Variants in TNR observed in about 807,000 individuals in gnomAD.
TNR encodes the protein tenascin-R.
Under a neutral mutation model 150.4 loss-of-function variants are expected in TNR, and 45 were observed. The ratio of observed to expected loss-of-function variants is 0.30; its 90% confidence interval spans 0.24 to 0.38. TNR has a LOEUF of 0.38. Ranked by LOEUF, TNR falls within the 10% of genes least tolerant of loss-of-function variation. The pLI is 1.00. For missense variants in TNR, 1,544 were observed against 1,759.1 expected (o/e 0.88, Z 2.19); for synonymous variants, 687 against 678.4 (o/e 1.01, Z -0.20).
intron 18 of TNR, among the ~76,000 whole-genome samples, chr1:175,340,552 T>C (rs1160724646): frequency 6.6e-6 from 1 of 152,232 alleles, no homozygotes; most frequent in African/African-American, 2.4e-5. Flanking sequence ...AGGCAGAGGC[T>C]CACTAATGGT....
At chr1:175,602,764 G>T (rs1276571685) in intron 1 of TNR, among the ~76,000 whole-genome samples, 1 of 152,156 alleles carries the variant, frequency 6.6e-6, no homozygotes, top group African/African-American at 2.4e-5. Flanking sequence ...TTTATCCCCA[G>T]AATGATTGGG....
intron 1 of TNR, among the ~76,000 whole-genome samples, chr1:175,703,374 T>C (rs1425554798): frequency 6.6e-6 from 1 of 152,260 alleles, no homozygotes; most frequent in East Asian, 1.9e-4. Flanking sequence ...GTTTTTCCTA[T>C]ACCTAGCACA....
At chr1:175,618,136 A>G (rs1182316198) in intron 1 of TNR, among the ~76,000 whole-genome samples, 12 of 152,250 alleles carry the variant, frequency 7.9e-5, no homozygotes, top group Non-Finnish European at 1.5e-4. Context: ...CCCAATTTAT[A>G]TATTTTCATT....
In TNR at chr1:175,519,104, C is replaced by T. The variant is rs181945654; in HGVS notation, c.-64+9165G>A. On this transcript the variant is annotated intron_variant, in intron 2 of 22. Coordinates refer to ENST00000367674, the MANE Select transcript of TNR (RefSeq NM_003285.3). The stretch of plus-strand genomic sequence containing the variant: ...TGTCACTCTTATTTACAACTCACTC[C>T]TTCATCCTCATTTCTCTTTCTGTAA... 3.0e-4 allele frequency among the ~76,000 whole-genome samples: 45 copies of T among 152,282 alleles called. No homozygotes were observed. In the East Asian group the frequency reaches 8.3e-3, roughly 28 times the overall value.
At chr1:175,723,243 A>G (rs1228582024) in intron 1 of TNR, among the ~76,000 whole-genome samples, 1 of 152,234 alleles carries the variant, frequency 6.6e-6, no homozygotes, top group African/African-American at 2.4e-5. Flanking sequence ...TTTGGGAGGA[A>G]CATGACAGAG....
intron 2 of TNR, among the ~76,000 whole-genome samples, chr1:175,419,898 T>C (rs73045439): frequency 0.087 from 13,197 of 152,118 alleles, 715 homozygotes; most frequent in Non-Finnish European, 0.12. Context: ...TCCTTGGAAC[T>C]CTTAATTTGC....
chr1:175,323,370 G>T lies in TNR; in HGVS notation c.4064C>A (p.Ser1355Tyr). Residue 1355 changes from serine (S) to tyrosine (Y), a missense_variant, in exon 23 of 23, where the codon TCC (serine) becomes TAC (tyrosine). By Grantham distance (144) the Ser-to-Tyr change is moderately radical (BLOSUM62 -2). Transcript: ENST00000367674. ...GCCGCCCACTGCTCAGAACTGTAAG[G>T]ACTGCCGTTTTCTCCCTGCCATGAG... The part of the protein sequence containing the change: ...HRLMAGRKRQ[S>Y]LQF 2 of 1,614,080 alleles carry T rather than the reference G, an allele frequency of 1.2e-6. No homozygotes were observed. Among genetic ancestry groups the T allele is most frequent in the South Asian group, 2.2e-5 (2 of 91,062 alleles).
chr1:175,517,313 T>C (rs1659455481), intron 2 of TNR, among the ~76,000 whole-genome samples: 1 of 152,202 alleles, frequency 6.6e-6, no homozygotes, highest in Non-Finnish European at 1.5e-5. Context: ...AGTTCTTTTC[T>C]GGGAGACTGT....
chr1:175,553,056 C>T (rs1429541001), intron 1 of TNR, among the ~76,000 whole-genome samples: 1 of 150,792 alleles, frequency 6.6e-6, no homozygotes, highest in East Asian at 1.9e-4. Flanking sequence ...CAGTCTTCCA[C>T]AAACACAGGG....
intron 1 of TNR, among the ~76,000 whole-genome samples, chr1:175,530,749 T>C (rs1482449498): frequency 6.6e-6 from 1 of 151,948 alleles, no homozygotes; most frequent in African/African-American, 2.4e-5. Flanking sequence ...TGCTTGCCTC[T>C]CTCTACCTCC....
In TNR at chr1:175,656,141, A is replaced by AGTGTGTGTGTGTGT. The variant is rs575020723; in HGVS notation, c.-165+87071_-165+87084dup. Reference sequence around the variant, plus strand: ...AGGGGAAGACGGGGAGGAAGGTTGAAGTGTGTGTGTGTGTGTGTGTGTGTG... The same window carrying AGTGTGTGTGTGTGT: ...AGGGGAAGACGGGGAGGAAGGTTGAAGTGTGTGTGTGTGTGTGTGTGTGTGTGTGTGTGTGTGTG... On this transcript the variant is annotated intron_variant, in intron 1 of 22. Coordinates refer to ENST00000367674, the MANE Select transcript of TNR (RefSeq NM_003285.3). Among the ~76,000 whole-genome samples the AGTGTGTGTGTGTGT allele has an allele frequency of 8.5e-4, 105 of 123,932 alleles. 2 individuals carry two copies. The highest frequency in any genetic ancestry group is 2.2e-3 in the African/African-American group (73 of 32,856). 81.3% of individuals were successfully genotyped at this position (123,932 alleles called of 152,430 possible). A position where few individuals can be genotyped will look rare whatever the true frequency, so the allele number is the denominator to read the frequency against.
chr1:175,360,080 G>T (rs1032948650), intron 14 of TNR, among the ~76,000 whole-genome samples: 5 of 152,200 alleles, frequency 3.3e-5, no homozygotes, highest in Admixed American at 2.6e-4. Flanking sequence ...GAGCAACCAA[G>T]AACCCACAGA....
At chr1:175,705,240 T>C (rs1216525347) in intron 1 of TNR, among the ~76,000 whole-genome samples, 2 of 152,052 alleles carry the variant, frequency 1.3e-5, no homozygotes, top group Non-Finnish European at 2.9e-5. Context: ...CTTCAGGAAA[T>C]TGAAGGAGGT....
chr1:175,617,404 G>A (rs1034666436), intron 1 of TNR, among the ~76,000 whole-genome samples: 4 of 152,206 alleles, frequency 2.6e-5, no homozygotes, highest in Admixed American at 2.6e-4. Flanking sequence ...ACCACTGTCT[G>A]CACCAGGAGG....
At chr1:175,337,453 C>T in intron 19 of TNR, 75 bp downstream of exon 19, 3 of 1,572,526 alleles carry the variant, frequency 1.9e-6, no homozygotes, top group Non-Finnish European at 2.6e-6. Flanking sequence ...GTGAAGTTGG[C>T]TTGGCAGGTG....
chr1:175,698,676 A>G (rs1475736997), intron 1 of TNR, among the ~76,000 whole-genome samples: 2 of 152,098 alleles, frequency 1.3e-5, no homozygotes, highest in African/African-American at 4.8e-5. Flanking sequence ...CCCCTTCTCT[A>G]CTAAAAGTAC....
intron 2 of TNR, among the ~76,000 whole-genome samples, chr1:175,461,821 C>A (rs761549197): frequency 6.6e-6 from 1 of 152,142 alleles, no homozygotes; most frequent in Non-Finnish European, 1.5e-5. Context: ...CCTGGGCCTT[C>A]GGTTTGTCCT....
chr1:175,579,193 C>CTTCCTTCCTTCCTTCCT (rs1553242591), intron 1 of TNR, among the ~76,000 whole-genome samples: 106 of 151,274 alleles, frequency 7.0e-4, no homozygotes, highest in Middle Eastern at 3.4e-3. Flanking sequence ...TCCTTCCTTC[C>CTTCCTTCCTTCCTTCCT]TTCCTTCCTT....
chr1:175,646,197 T>C (rs557370632), intron 1 of TNR, among the ~76,000 whole-genome samples: 29 of 152,340 alleles, frequency 1.9e-4, no homozygotes, highest in East Asian at 9.6e-4. Flanking sequence ...TCCCATCCTA[T>C]GGCCACTAAA....
Sources: gnomAD v4.1 joint callset for allele counts (sites outside exome capture counted in the v4.1 genomes callset) on GRCh38, gnomAD v4.1.1 for gene constraint, MANE v1.5 for transcripts, NCBI Gene and HGNC (gene_info 2026-07-23, HGNC 2026-07-21) for gene names.